NME8: variants seen among roughly 807,000 people sequenced by gnomAD.
The protein encoded by NME8 is protein NME8.
A neutral mutation model predicts 82.3 loss-of-function variants in NME8; 72 were observed. The ratio of observed to expected loss-of-function variants is 0.87; its 90% CI spans 0.72 to 1.06. The LOEUF is 1.06. Ranked by LOEUF, NME8 falls within the 50% of genes least tolerant of loss-of-function variation. The pLI is 0.00. For synonymous variants in NME8, 267 were observed against 228.5 expected (o/e 1.17, Z -1.52); for missense variants, 712 against 685.4 (o/e 1.04, Z -0.43).
chr7:37,865,188 T>C (rs1383314037), intron 9 of NME8, among the ~76,000 whole-genome samples: 1 of 152,222 alleles, frequency 6.6e-6, no homozygotes, highest in East Asian at 1.9e-4. Context: ...GGCAAGTCCC[T>C]TCTGCCTATG....
intron 13 of NME8, among the ~76,000 whole-genome samples, 167 bp downstream of exon 13, chr7:37,884,614 C>G (rs986345212): frequency 6.6e-6 from 1 of 152,184 alleles, no homozygotes; most frequent in Non-Finnish European, 1.5e-5. Flanking sequence ...GCTCACCTGC[C>G]TGTCTTCTCT....
rs1156426402 is a variant in NME8, at chr7:37,857,326, C to T, written c.251C>T (p.Pro84Leu). Residue 84 changes from proline (P) to leucine (L), a missense_variant, in exon 6 of 18, where the codon CCT (proline) becomes CTT (leucine). Physicochemically the swap from Pro to Leu is moderately conservative, Grantham distance 98. Transcript: ENST00000199447. Reference sequence around the variant, plus strand: ...CAGCCATTTAGAGATAAATGTGAACCTGTTTTTCTCTTTAGTGTTGTAAGT... The same window carrying T: ...CAGCCATTTAGAGATAAATGTGAACTTGTTTTTCTCTTTAGTGTTGTAAGT... ...TLQPFRDKCE[P>L]VFLFSVNGKI... 2 of 1,609,598 alleles carry T rather than the reference C, an allele frequency of 1.2e-6. No individual in the cohort carries two copies. Among genetic ancestry groups the T allele is most frequent in the South Asian group, 1.1e-5 (1 of 90,820 alleles).
chr7:37,885,116 T>G, intron 13 of NME8, 29 bp from the exon 14 acceptor site: 1 of 1,431,658 alleles, frequency 7.0e-7, no homozygotes, highest in South Asian at 1.2e-5. Flanking sequence ...CACTTCTTAT[T>G]ACCTCTTCTT....
intron 11 of NME8, among the ~76,000 whole-genome samples, chr7:37,868,940 A>G (rs941954504): frequency 1.3e-5 from 2 of 152,196 alleles, no homozygotes; most frequent in African/African-American, 4.8e-5. Context: ...GAAGACTCAG[A>G]GAATGGAGAG....
intron 11 of NME8, among the ~76,000 whole-genome samples, chr7:37,876,403 A>C (rs1339743675): frequency 6.8e-6 from 1 of 147,338 alleles, no homozygotes; most frequent in African/African-American, 2.6e-5. Context: ...TAATCCAATA[A>C]AATTGGAAAT....
Position 37,888,320 on chromosome 7 carries a change from TTGTA to T in NME8, c.1294_1297del (p.Tyr432AlafsTer5). The T allele has an allele frequency of 3.1e-6, 5 of 1,613,688 alleles. No homozygotes were observed. The highest frequency in any genetic ancestry group is 4.2e-6 in the Non-Finnish European group (5 of 1,179,710). On this transcript the variant is annotated frameshift_variant, in exon 15 of 18. Transcript: ENST00000199447. LOFTEE classifies it high-confidence loss of function. ...GATGGACAGTTTGCCGGTCAACCAG[TTGTA>T]TGGCAGCGATTCATTAGAAACCGCT... is the stretch of plus-strand genomic sequence containing the variant.
intron 12 of NME8, among the ~76,000 whole-genome samples, chr7:37,882,966 C>G (rs1784985959): frequency 6.6e-6 from 1 of 152,106 alleles, no homozygotes; most frequent in African/African-American, 2.4e-5. Context: ...GCATACTCAC[C>G]AATATTTTTT....
At chr7:37,899,373 C>T (rs745488783) in intron 17 of NME8, among the ~76,000 whole-genome samples, 4 of 152,262 alleles carry the variant, frequency 2.6e-5, no homozygotes, top group Non-Finnish European at 5.9e-5. Flanking sequence ...GAGATCGTGT[C>T]CTTTGCAGGG....
At chr7:37,849,869 C>CAAAAAAA (rs869133999) in intron 2 of NME8, among the ~76,000 whole-genome samples, 1 of 39,868 alleles carries the variant, frequency 2.5e-5, no homozygotes, top group African/African-American at 5.7e-5. Flanking sequence ...GACTATGTCT[C>CAAAAAAA]AAAAAAAAAA....
In NME8 at chr7:37,867,701, G is replaced by A. The variant is rs1372572848; in HGVS notation, c.622-1G>A. Reference sequence around the variant, plus strand: ...AAACAGTTTATCATTTTATTTTGTAGTGTGACTTCGAAGAGTTTGTCTCTT... The same window carrying A: ...AAACAGTTTATCATTTTATTTTGTAATGTGACTTCGAAGAGTTTGTCTCTT... On this transcript the variant is annotated splice_acceptor_variant, in intron 10 of 17. Transcript: ENST00000199447. LOFTEE classifies it high-confidence loss of function. 6.2e-7 allele frequency: 1 copy of A among 1,609,806 alleles called. No homozygotes were observed. Among genetic ancestry groups the A allele is most frequent in the Admixed American group, 1.7e-5 (1 of 59,970 alleles).
intron 12 of NME8, among the ~76,000 whole-genome samples, chr7:37,879,173 G>C (rs1784905118): frequency 6.6e-6 from 1 of 151,530 alleles, no homozygotes; most frequent in Non-Finnish European, 1.5e-5. Context: ...TTTTGAGATG[G>C]AGTCTTGCTC....
At position 37,888,353 on chromosome 7, in the gene NME8, A is replaced by G. The variant is rs1223212090; in HGVS notation, c.1324A>G (p.Arg442Gly). ...CAGCGATTCATTAGAAACCGCTGAA[A>G]GGGAAATACAGCATTTCTTTCCTCT... ...YGSDSLETAEREIQHFFPLQS... is the reference protein window; with the variant it reads ...YGSDSLETAEGEIQHFFPLQS... Residue 442 changes from arginine (R) to glycine (G), a missense_variant, in exon 15 of 18, where the codon AGG becomes GGG. Physicochemically the swap from Arg to Gly is moderately radical, Grantham distance 125. Coordinates refer to ENST00000199447, the MANE Select transcript of NME8 (RefSeq NM_016616.5). The G allele has an allele frequency of 6.2e-7, 1 of 1,613,522 alleles. No homozygotes were observed. The highest frequency in any genetic ancestry group is 1.7e-5 in the Admixed American group (1 of 59,908).
chr7:37,863,578 A>G lies in NME8; in HGVS notation c.454+116A>G, dbSNP rs533712388. On this transcript the variant is annotated intron_variant, in intron 8 of 17. Transcript: ENST00000199447. Reference sequence around the variant, plus strand: ...AATCCATGTTTATTAAGGAGGAATTATTCAGATAAATGATGATTTGGGCCT... The same window carrying G: ...AATCCATGTTTATTAAGGAGGAATTGTTCAGATAAATGATGATTTGGGCCT... 130 of 723,766 alleles carry G rather than the reference A, an allele frequency of 1.8e-4. 1 individual carries two copies. Among genetic ancestry groups the G allele is most frequent in the South Asian group, 6.6e-4 (45 of 68,506 alleles). The allele number at this position is 723,766 out of a possible 1,614,324, so 44.8% of individuals were successfully genotyped here. A position where few individuals can be genotyped will look rare whatever the true frequency, so the allele number is the denominator to read the frequency against.
chr7:37,883,699 A>G (rs987201209), intron 12 of NME8, among the ~76,000 whole-genome samples: 30 of 152,180 alleles, frequency 2.0e-4, no homozygotes, highest in Non-Finnish European at 1.2e-4. Flanking sequence ...AAGAGTCCCC[A>G]GTGTATTTCC....
chr7:37,883,179 G>A (rs1583640938), intron 12 of NME8, among the ~76,000 whole-genome samples: 1 of 151,998 alleles, frequency 6.6e-6, no homozygotes, highest in South Asian at 2.1e-4. Flanking sequence ...AGCTTTTATC[G>A]TGAGTCATTT....
intron 8 of NME8, 66 bp from the exon 9 acceptor site, chr7:37,864,282 A>T: frequency 6.5e-7 from 1 of 1,527,786 alleles, no homozygotes; most frequent in Non-Finnish European, 8.9e-7. Context: ...TAATTGCCAG[A>T]TCCTTCATTA....
intron 11 of NME8, among the ~76,000 whole-genome samples, chr7:37,875,419 C>CA (rs1491486586): frequency 2.6e-5 from 4 of 151,752 alleles, no homozygotes; most frequent in African/African-American, 7.3e-5. Context: ...CACACACACA[C>CA]CCACACAGCC....
chr7:37,873,177 T>C (rs1298791271), intron 11 of NME8, among the ~76,000 whole-genome samples: 1 of 152,080 alleles, frequency 6.6e-6, no homozygotes, highest in East Asian at 1.9e-4. Flanking sequence ...CTGGCCAACA[T>C]GGTGAAACCC....
At chr7:37,855,049 T>C (rs1784492030) in intron 5 of NME8, among the ~76,000 whole-genome samples, 1 of 152,178 alleles carries the variant, frequency 6.6e-6, no homozygotes, top group African/African-American at 2.4e-5. Flanking sequence ...ATTTTTTCCA[T>C]AGAGTACCAC....
Sources: allele counts gnomAD v4.1 joint callset (sites outside exome capture counted in the v4.1 genomes callset), GRCh38; gene constraint gnomAD v4.1.1; transcripts MANE v1.5; gene names NCBI Gene and HGNC (gene_info 2026-07-23, HGNC 2026-07-21).